The following CELF4 variants were observed in gnomAD, a reference collection of about 807,000 sequenced individuals.
CELF4 encodes the protein CUG-BP- and ETR-3-like factor 4.
CELF4 carries 18 observed loss-of-function variants against 59.9 expected under a neutral mutation model. That is an observed-to-expected ratio of 0.30 (90% CI 0.21 to 0.45). CELF4 has a LOEUF of 0.45. Ranked by LOEUF, CELF4 falls within the 20% of genes least tolerant of loss-of-function variation. CELF4 has a pLI of 1.00. For synonymous variants in CELF4, 261 were observed against 267.1 expected (o/e 0.98, Z 0.22); for missense variants, 456 against 689.0 (o/e 0.66, Z 3.79).
intron 10 of CELF4, among the ~76,000 whole-genome samples, chr18:37,259,489 C>T (rs574039601): frequency 6.6e-6 from 1 of 152,338 alleles, no homozygotes; most frequent in African/African-American, 2.4e-5. Flanking sequence ...AGTCACTGAA[C>T]CTCTCTGTGC....
intron 1 of CELF4, among the ~76,000 whole-genome samples, chr18:37,514,736 A>G (rs2099948684): frequency 6.6e-6 from 1 of 152,140 alleles, no homozygotes; most frequent in African/African-American, 2.4e-5. Context: ...TTTTCAATAT[A>G]TGATTTTTCC....
chr18:37,389,563 G>A (rs547784663), intron 2 of CELF4, among the ~76,000 whole-genome samples: 1 of 152,282 alleles, frequency 6.6e-6, no homozygotes, highest in South Asian at 2.1e-4. Context: ...GTGCTGGGCT[G>A]TGGTCTGCTC....
chr18:37,288,686 C>T (rs2095054808), intron 3 of CELF4, among the ~76,000 whole-genome samples: 1 of 152,156 alleles, frequency 6.6e-6, no homozygotes, highest in Non-Finnish European at 1.5e-5. Flanking sequence ...GGGCAGGCGG[C>T]TCTGGGCACC....
At chr18:37,454,855 T>C (rs757552326) in intron 2 of CELF4, among the ~76,000 whole-genome samples, 1 of 152,236 alleles carries the variant, frequency 6.6e-6, no homozygotes, top group African/African-American at 2.4e-5. Context: ...CAGCCCTGGA[T>C]GTGCTACGGC....
intron 2 of CELF4, among the ~76,000 whole-genome samples, chr18:37,424,057 T>C (rs1295614293): frequency 2.0e-5 from 3 of 152,054 alleles, no homozygotes; most frequent in Admixed American, 2.0e-4. Flanking sequence ...GCACTTGGAA[T>C]GATCTATCAG....
rs528271925 is a variant in CELF4, at chr18:37,489,575, G to A, written c.287-3968C>T. Among the ~76,000 whole-genome samples the A allele has an allele frequency of 3.3e-5, 5 of 152,280 alleles. No individual in the cohort carries two copies. The East Asian group carries it at 9.7e-4, about 30-fold the overall frequency. The stretch of plus-strand genomic sequence containing the variant: ...CACATCTCACAGGGGTTGAGGAGGG[G>A]GCTGTGGGCTGTGAGGGTGTCCAGC... On this transcript the variant is annotated intron_variant, in intron 1 of 12. Transcript: ENST00000420428.
chr18:37,358,638 C>G (rs190065303), intron 2 of CELF4, among the ~76,000 whole-genome samples: 1 of 152,302 alleles, frequency 6.6e-6, no homozygotes, highest in Non-Finnish European at 1.5e-5. Context: ...TGCTTTACAC[C>G]TCGCTGTGAA....
intron 2 of CELF4, among the ~76,000 whole-genome samples, chr18:37,418,640 C>T (rs557070952): frequency 3.3e-5 from 5 of 152,354 alleles, no homozygotes; most frequent in South Asian, 4.1e-4. Context: ...CACTTGGCCT[C>T]GCTTACATTT....
At chr18:37,301,359 A>G (rs1379497128) in intron 3 of CELF4, among the ~76,000 whole-genome samples, 2 of 152,130 alleles carry the variant, frequency 1.3e-5, no homozygotes, top group Non-Finnish European at 2.9e-5. Flanking sequence ...CTGGACACTA[A>G]AAGACGGCAG....
intron 2 of CELF4, among the ~76,000 whole-genome samples, chr18:37,395,791 G>T (rs548789678): frequency 6.6e-6 from 1 of 152,302 alleles, no homozygotes; most frequent in Non-Finnish European, 1.5e-5. Context: ...CAGTCCTGAG[G>T]CCCCCACATG....
chr18:37,565,764 C>G lies in CELF4; in HGVS notation c.-123G>C. ...TCGGGTTCTCTCCCCCTCGGTTTCT[C>G]TACACCTCGCTCTCCGCTCGCTCTC... On this transcript the variant is annotated 5_prime_UTR_variant, in exon 1 of 13. Coordinates refer to ENST00000420428, the MANE Select transcript of CELF4 (RefSeq NM_020180.4). The G allele has an allele frequency of 2.9e-6, 2 of 681,320 alleles. No individual in the cohort carries two copies. The highest frequency in any genetic ancestry group is 4.5e-6 in the Non-Finnish European group (2 of 440,638). 42.2% of individuals were successfully genotyped at this position (681,320 alleles called of 1,614,324 possible).
chr18:37,444,935 G>C (rs2099744117), intron 2 of CELF4, among the ~76,000 whole-genome samples: 1 of 152,208 alleles, frequency 6.6e-6, no homozygotes, highest in Admixed American at 6.5e-5. Flanking sequence ...CTGTGTGCGT[G>C]ACGCGGGCTC....
At chr18:37,451,278 T>G (rs1298914786) in intron 2 of CELF4, among the ~76,000 whole-genome samples, 1 of 151,946 alleles carries the variant, frequency 6.6e-6, no homozygotes, top group Non-Finnish European at 1.5e-5. Flanking sequence ...AGGTGGACAG[T>G]GTGGTGTGGG....
chr18:37,265,457 A>G (rs1427563950), intron 9 of CELF4, among the ~76,000 whole-genome samples: 1 of 152,222 alleles, frequency 6.6e-6, no homozygotes, highest in Admixed American at 6.5e-5. Context: ...CACTTCTCTG[A>G]GCCACAGCTG....
chr18:37,370,623 G>A (rs891469040), intron 2 of CELF4, among the ~76,000 whole-genome samples: 2 of 152,162 alleles, frequency 1.3e-5, no homozygotes, highest in Non-Finnish European at 1.5e-5. Context: ...TGCTTTTAAT[G>A]TTTGCCTAAA....
intron 12 of CELF4, among the ~76,000 whole-genome samples, chr18:37,251,302 C>G (rs1257422674): frequency 6.6e-6 from 1 of 152,108 alleles, no homozygotes; most frequent in East Asian, 1.9e-4. Flanking sequence ...GTGGAAGAAC[C>G]GACTCTGTGT....
intron 1 of CELF4, among the ~76,000 whole-genome samples, chr18:37,558,344 T>C (rs2154606176): frequency 6.7e-6 from 1 of 150,338 alleles, no homozygotes; most frequent in South Asian, 2.1e-4. Flanking sequence ...ACATCAACAC[T>C]GGAAATTCCT....
At chr18:37,416,194 C>CCATT (rs1365178976) in intron 2 of CELF4, among the ~76,000 whole-genome samples, 1 of 150,244 alleles carries the variant, frequency 6.7e-6, no homozygotes, top group Non-Finnish European at 1.5e-5. Context: ...ATCCATCCAT[C>CCATT]CGTCCATCCA....
intron 2 of CELF4, among the ~76,000 whole-genome samples, chr18:37,405,328 C>T (rs1054698137): frequency 6.6e-6 from 1 of 152,244 alleles, no homozygotes; most frequent in African/African-American, 2.4e-5. Context: ...CACCCTCCTG[C>T]CCTTGCCCCT....
Sources: gnomAD v4.1 joint callset for allele counts (sites outside exome capture counted in the v4.1 genomes callset) on GRCh38, gnomAD v4.1.1 for gene constraint, MANE v1.5 for transcripts, NCBI Gene and HGNC (gene_info 2026-07-23, HGNC 2026-07-21) for gene names.